The following USP12 variants were observed in gnomAD, a reference collection of about 807,000 sequenced individuals.
USP12 encodes the protein ubiquitin carboxyl-terminal hydrolase 12.
USP12 carries 19 observed loss-of-function variants against 45.5 expected under a neutral mutation model. The ratio of observed to expected loss-of-function variants is 0.42; its 90% confidence interval spans 0.29 to 0.61. USP12 has a LOEUF of 0.61. USP12 is among the 20% of genes least tolerant of loss of function. USP12 has a pLI of 0.22. For synonymous variants in USP12, 149 were observed against 148.8 expected (o/e 1.00, Z -0.01); for missense variants, 242 against 447.7 (o/e 0.54, Z 4.15).
chr13:27,117,087 C>A (rs1032986677), intron 1 of USP12, among the ~76,000 whole-genome samples: 6 of 151,950 alleles, frequency 3.9e-5, no homozygotes. Flanking sequence ...TGCTACCTAA[C>A]ACAAAGAAAA....
chr13:27,105,382 T>C (rs1875082684), intron 3 of USP12, among the ~76,000 whole-genome samples: 2 of 152,042 alleles, frequency 1.3e-5, no homozygotes, highest in Admixed American at 1.3e-4. Context: ...CATGAAAGCA[T>C]TATGAAAACA....
chr13:27,096,520 T>G (rs2478922), intron 3 of USP12, among the ~76,000 whole-genome samples: 7,446 of 152,308 alleles, frequency 0.049, 573 homozygotes, highest in African/African-American at 0.16. Flanking sequence ...ACCCTGTGCT[T>G]GGCAATATAC....
chr13:27,083,177 G>A (rs1873841991), intron 6 of USP12, among the ~76,000 whole-genome samples: 1 of 152,168 alleles, frequency 6.6e-6, no homozygotes, highest in South Asian at 2.1e-4. Context: ...GTGCTCCCAA[G>A]ACAGTTACCA....
intron 1 of USP12, among the ~76,000 whole-genome samples, chr13:27,160,419 C>T (rs1878051199): frequency 6.7e-6 from 1 of 150,326 alleles, no homozygotes; most frequent in Non-Finnish European, 1.5e-5. Context: ...AGATATAAGC[C>T]TCCTCAAATT....
intron 2 of USP12, 94 bp from the exon 3 acceptor site, chr13:27,106,038 C>T (rs557546251): frequency 3.9e-6 from 4 of 1,019,088 alleles, no homozygotes; most frequent in Non-Finnish European, 5.7e-6. Context: ...AAAGAGATGA[C>T]AATCGGTTAC....
intron 6 of USP12, among the ~76,000 whole-genome samples, chr13:27,087,689 C>A (rs190482314): frequency 5.9e-5 from 9 of 152,222 alleles, no homozygotes; most frequent in Non-Finnish European, 2.9e-5. Context: ...ATGGCTTGTT[C>A]CAGAGTAGGG....
Position 27,066,222 on chromosome 13 carries a change from A to T in USP12, c.*3061T>A, listed in dbSNP as rs572191581. Reference sequence around the variant, plus strand: ...ATAGTGCCTTCTTCAAGAACCTTAAATGCTTTACAGACATTATCTCTAATT... The same window carrying T: ...ATAGTGCCTTCTTCAAGAACCTTAATTGCTTTACAGACATTATCTCTAATT... On this transcript the variant is annotated 3_prime_UTR_variant, in exon 9 of 9. Coordinates refer to ENST00000282344, the MANE Select transcript of USP12 (RefSeq NM_182488.4). The T allele has an allele frequency of 6.6e-6, 1 of 152,308 alleles. No homozygotes were observed. The highest frequency in any genetic ancestry group is 1.5e-5 in the Non-Finnish European group (1 of 68,024). 9.4% of individuals were successfully genotyped at this position (152,308 alleles called of 1,614,324 possible).
At chr13:27,124,747 A>T (rs542548583) in intron 1 of USP12, among the ~76,000 whole-genome samples, 1 of 152,366 alleles carries the variant, frequency 6.6e-6, no homozygotes, top group Non-Finnish European at 1.5e-5. Flanking sequence ...TGTGAGCTGT[A>T]AAAAGATGAA....
At chr13:27,170,034 C>T (rs574514762) in intron 1 of USP12, 1 of 313,868 alleles carries the variant, frequency 3.2e-6, no homozygotes, top group African/African-American at 2.1e-5. Context: ...TATCGCATTC[C>T]TTTTGAAATT....
chr13:27,107,520 A>G (rs1006569700), intron 2 of USP12, among the ~76,000 whole-genome samples: 1 of 151,420 alleles, frequency 6.6e-6, no homozygotes, highest in Non-Finnish European at 1.5e-5. Flanking sequence ...AGAAATATCA[A>G]CATAAACTTA....
chr13:27,117,588 G>T (rs1875802240), intron 1 of USP12, among the ~76,000 whole-genome samples: 1 of 151,728 alleles, frequency 6.6e-6, no homozygotes, highest in Non-Finnish European at 1.5e-5. Context: ...ATGAAAAAAA[G>T]AAAAATTAGA....
In USP12 at chr13:27,155,127, A is replaced by G. The variant is rs1027582892; in HGVS notation, c.48+16465T>C. 2.8e-4 allele frequency among the ~76,000 whole-genome samples: 33 copies of G among 117,068 alleles called. 1 individual carries two copies. The highest frequency in any genetic ancestry group is 2.7e-3 in the Admixed American group (22 of 8,028). The allele number at this position is 117,068 out of a possible 152,430, so 76.8% of individuals were successfully genotyped here. On this transcript the variant is annotated intron_variant, in intron 1 of 8. Transcript: ENST00000282344. ...GACGGAACCTCGCTCTGTCACCCAG[A>G]CTGGAGTGCAGTGGCGCGATCTCGG...
At chr13:27,095,973 C>T (rs573622512) in intron 3 of USP12, 143 bp from the exon 4 acceptor site, 8 of 551,026 alleles carry the variant, frequency 1.5e-5, no homozygotes, top group East Asian at 3.4e-5. Context: ...AAATAACTTT[C>T]GCATCTAAAA....
chr13:27,148,217 T>G (rs1481964846), intron 1 of USP12, among the ~76,000 whole-genome samples: 3 of 151,786 alleles, frequency 2.0e-5, no homozygotes, highest in Admixed American at 2.0e-4. Flanking sequence ...CTAAAGAAAG[T>G]TGTTCAGGCT....
At chr13:27,125,712 C>T (rs1876199939) in intron 1 of USP12, among the ~76,000 whole-genome samples, 1 of 152,202 alleles carries the variant, frequency 6.6e-6, no homozygotes, top group African/African-American at 2.4e-5. Context: ...CCAAGTGAAG[C>T]TGTGAGTGAC....
intron 1 of USP12, among the ~76,000 whole-genome samples, chr13:27,138,788 C>G (rs1876925932): frequency 6.6e-6 from 1 of 152,160 alleles, no homozygotes. Context: ...AGTTATTCTA[C>G]TATTACTCCC....
intron 8 of USP12, among the ~76,000 whole-genome samples, chr13:27,070,799 C>T (rs550423490): frequency 5.3e-5 from 8 of 152,208 alleles, no homozygotes; most frequent in East Asian, 1.9e-4. Flanking sequence ...GTGATCCGCC[C>T]GCCTCAGCCT....
chr13:27,163,736 A>C (rs1878217147), intron 1 of USP12, among the ~76,000 whole-genome samples: 1 of 148,338 alleles, frequency 6.7e-6, no homozygotes, highest in Admixed American at 6.8e-5. Flanking sequence ...TAAATGTAGG[A>C]GACAGCCTGA....
chr13:27,158,463 G>A (rs567927754), intron 1 of USP12, among the ~76,000 whole-genome samples: 145 of 152,288 alleles, frequency 9.5e-4, no homozygotes, highest in Non-Finnish European at 1.4e-3. Context: ...GAAATTGACT[G>A]TTAAGCAATT....
Sources: allele counts gnomAD v4.1 joint callset (sites outside exome capture counted in the v4.1 genomes callset), GRCh38; gene constraint gnomAD v4.1.1; transcripts MANE v1.5; gene names NCBI Gene and HGNC (gene_info 2026-07-23, HGNC 2026-07-21).